Variants in XKR6 observed in about 807,000 individuals in gnomAD.
XKR6 encodes XK-related protein 6.
XKR6 carries 22 observed loss-of-function variants against 56.7 expected under a neutral mutation model. The ratio of observed to expected loss-of-function variants is 0.39; its 90% CI spans 0.28 to 0.55. The LOEUF is 0.55. XKR6 is among the 20% of genes least tolerant of loss of function. The pLI is 0.66. For missense variants in XKR6, 852 were observed against 889.0 expected (o/e 0.96, Z 0.53); for synonymous variants, 524 against 387.8 (o/e 1.35, Z -4.13).
intron 1 of XKR6, among the ~76,000 whole-genome samples, chr8:11,093,528 C>A (rs1798154667): frequency 6.6e-6 from 1 of 152,212 alleles, no homozygotes; most frequent in Non-Finnish European, 1.5e-5. Flanking sequence ...TGCCCGGCCA[C>A]ATCCTTAGTC....
At chr8:11,032,725 G>C (rs1198729932) in intron 1 of XKR6, among the ~76,000 whole-genome samples, 1 of 152,108 alleles carries the variant, frequency 6.6e-6, no homozygotes, top group African/African-American at 2.4e-5. Context: ...TGCAGCTAGG[G>C]GTCTGCTCCA....
At chr8:11,100,093 C>T (rs1303414096) in intron 1 of XKR6, among the ~76,000 whole-genome samples, 4 of 152,090 alleles carry the variant, frequency 2.6e-5, no homozygotes, top group Admixed American at 1.3e-4. Flanking sequence ...ACTCTGTCGC[C>T]CAGGGTGGAG....
At chr8:10,914,453 C>A (rs898294255) in intron 2 of XKR6, among the ~76,000 whole-genome samples, 16 of 152,158 alleles carry the variant, frequency 1.1e-4, no homozygotes, top group Non-Finnish European at 2.2e-4. Flanking sequence ...GTCTTTCCTG[C>A]AGCTGGAAGC....
At chr8:10,909,477 T>C (rs1020587552) in intron 2 of XKR6, among the ~76,000 whole-genome samples, 2 of 152,208 alleles carry the variant, frequency 1.3e-5, no homozygotes, top group Non-Finnish European at 2.9e-5. Context: ...TTATTTCTAC[T>C]ATGTTCCATG....
At chr8:11,186,014 T>G (rs984911214) in intron 1 of XKR6, among the ~76,000 whole-genome samples, 5 of 152,256 alleles carry the variant, frequency 3.3e-5, no homozygotes, top group African/African-American at 1.2e-4. Flanking sequence ...GAGGGGACTG[T>G]GCATCAGAGG....
At chr8:11,135,009 T>C (rs1800308396) in intron 1 of XKR6, among the ~76,000 whole-genome samples, 1 of 151,422 alleles carries the variant, frequency 6.6e-6, no homozygotes, top group African/African-American at 2.4e-5. Context: ...TATATAAATG[T>C]CAAAAATGCA....
At chr8:11,025,927 A>G (rs778104936) in intron 1 of XKR6, among the ~76,000 whole-genome samples, 20 of 152,308 alleles carry the variant, frequency 1.3e-4, no homozygotes, top group Non-Finnish European at 2.2e-4. Flanking sequence ...TGTTAAATAC[A>G]CATGAGATAT....
intron 1 of XKR6, among the ~76,000 whole-genome samples, chr8:11,047,077 A>C (rs188791340): frequency 1.8e-4 from 27 of 152,306 alleles, no homozygotes; most frequent in Admixed American, 3.3e-4. Context: ...GCTCTAACGC[A>C]CAGCATGGTG....
intron 2 of XKR6, among the ~76,000 whole-genome samples, chr8:10,911,341 G>A (rs757491434): frequency 0.012 from 767 of 66,190 alleles, 11 homozygotes; most frequent in African/African-American, 0.046. Flanking sequence ...ATATATATAT[G>A]TGTGTGTGTG....
At chr8:11,049,597 G>C (rs1390868007) in intron 1 of XKR6, among the ~76,000 whole-genome samples, 1 of 152,230 alleles carries the variant, frequency 6.6e-6, no homozygotes, top group East Asian at 1.9e-4. Flanking sequence ...AGGCCCTGGA[G>C]CAGGCTTGGC....
chr8:11,021,731 G>GTT (rs1205145432), intron 1 of XKR6, among the ~76,000 whole-genome samples: 2 of 152,062 alleles, frequency 1.3e-5, no homozygotes, highest in Non-Finnish European at 2.9e-5. Context: ...AGTCTCAAAT[G>GTT]TTCTCTCTTC....
chr8:11,060,527 G>C (rs537913052), intron 1 of XKR6, among the ~76,000 whole-genome samples: 2 of 152,210 alleles, frequency 1.3e-5, no homozygotes, highest in African/African-American at 2.4e-5. Flanking sequence ...GATGCCCAGG[G>C]ACTCGTTTCT....
At chr8:11,020,347 A>C (rs35083028) in intron 1 of XKR6, among the ~76,000 whole-genome samples, 26,811 of 152,146 alleles carry the variant, frequency 0.18, 2,485 homozygotes, top group Middle Eastern at 0.21. Flanking sequence ...AAATGCATCC[A>C]TCCATCCATC....
chr8:11,006,538 G>A (rs1355406622), intron 1 of XKR6, among the ~76,000 whole-genome samples: 1 of 152,208 alleles, frequency 6.6e-6, no homozygotes, highest in Admixed American at 6.5e-5. Flanking sequence ...GTGGAATAGA[G>A]TAAGGCATCT....
chr8:11,060,878 C>T (rs1020763152), intron 1 of XKR6, among the ~76,000 whole-genome samples: 8 of 152,238 alleles, frequency 5.3e-5, no homozygotes, highest in African/African-American at 1.9e-4. Context: ...GGAAATACCT[C>T]TTTTGATCCT....
chr8:11,086,934 C>T (rs1199574885), intron 1 of XKR6, among the ~76,000 whole-genome samples: 11 of 152,210 alleles, frequency 7.2e-5, no homozygotes. Context: ...TCAGTCCCAC[C>T]TTCTTAGCGA....
intron 1 of XKR6, among the ~76,000 whole-genome samples, chr8:11,119,634 C>CT (rs1280503566): frequency 2.0e-5 from 3 of 151,876 alleles, no homozygotes; most frequent in African/African-American, 7.3e-5. Flanking sequence ...CAAACCCTGC[C>CT]TTTTTTTTGT....
chr8:11,190,183 A>AAAAC (rs1803486740), intron 1 of XKR6, among the ~76,000 whole-genome samples: 3 of 130,648 alleles, frequency 2.3e-5, no homozygotes, highest in East Asian at 4.0e-4. Context: ...GAAAAGAAAG[A>AAAAC]AAAGAAAGAA....
intron 1 of XKR6, among the ~76,000 whole-genome samples, chr8:11,178,590 TACACACACACACAA>T (rs1563197944): frequency 3.3e-5 from 4 of 122,646 alleles, no homozygotes; most frequent in Non-Finnish European, 5.2e-5. Context: ...ATATATGTAC[TACACACACACACAA>T]ATATATATAT....
Sources: allele counts gnomAD v4.1 joint callset (sites outside exome capture counted in the v4.1 genomes callset), GRCh38; gene constraint gnomAD v4.1.1; transcripts MANE v1.5; gene names NCBI Gene and HGNC (gene_info 2026-07-23, HGNC 2026-07-21).